CSMD3: variants seen among roughly 807,000 people sequenced by gnomAD.
CSMD3 encodes CUB and sushi domain-containing protein 3.
CSMD3 carries 177 observed loss-of-function variants against 435.2 expected under a neutral mutation model. The observed-to-expected ratio is 0.41, with a 90% CI of 0.36 to 0.46. The LOEUF (loss-of-function observed/expected upper bound fraction) is 0.46, where lower values mean the gene tolerates loss of function less well. Ranked by LOEUF, CSMD3 falls within the 20% of genes least tolerant of loss-of-function variation. CSMD3 has a pLI of 0.34. For missense variants in CSMD3, 4,265 were observed against 4,504.6 expected (o/e 0.95, Z 1.52); for synonymous variants, 1,656 against 1,520.5 (o/e 1.09, Z -2.07).
chr8:112,561,183 C>T (rs770884245), intron 24 of CSMD3, among the ~76,000 whole-genome samples: 2 of 151,496 alleles, frequency 1.3e-5, no homozygotes, highest in African/African-American at 4.8e-5. Flanking sequence ...TTTATGGAAA[C>T]GTTCAGCTGC....
chr8:113,217,956 G>GA (rs1266330883), intron 3 of CSMD3, among the ~76,000 whole-genome samples: 1 of 151,018 alleles, frequency 6.6e-6, no homozygotes, highest in African/African-American at 2.4e-5. Flanking sequence ...AACTCAGCTA[G>GA]AAAACAAAAC....
chr8:112,786,753 T>G (rs2078551209), intron 13 of CSMD3, among the ~76,000 whole-genome samples: 1 of 152,052 alleles, frequency 6.6e-6, no homozygotes, highest in Admixed American at 6.6e-5. Context: ...TTTTTATTAT[T>G]ATACTCTAAG....
intron 31 of CSMD3, among the ~76,000 whole-genome samples, chr8:112,484,529 T>A (rs1462168252): frequency 6.6e-6 from 1 of 151,458 alleles, no homozygotes; most frequent in African/African-American, 2.4e-5. Context: ...ATATATATGG[T>A]CCAGTAAAAC....
intron 35 of CSMD3, among the ~76,000 whole-genome samples, chr8:112,400,767 A>G (rs1053341328): frequency 1.3e-5 from 2 of 152,036 alleles, no homozygotes; most frequent in African/African-American, 4.8e-5. Context: ...GCATCACCTT[A>G]CTCTTTTTAT....
At chr8:113,435,211 A>G (rs954328252) in intron 1 of CSMD3, among the ~76,000 whole-genome samples, 1 of 152,214 alleles carries the variant, frequency 6.6e-6, no homozygotes, top group Non-Finnish European at 1.5e-5. Flanking sequence ...TTTTCGGCTC[A>G]GAGCTGCTCT....
chr8:113,080,947 T>C (rs1317729694), intron 5 of CSMD3, among the ~76,000 whole-genome samples: 1 of 152,206 alleles, frequency 6.6e-6, no homozygotes, highest in Admixed American at 6.5e-5. Context: ...CTCTGTTAGA[T>C]AGAATTGGAA....
rs138596948 is a variant in CSMD3, at chr8:112,987,828, G to C, written c.1031-11680C>G. Among the ~76,000 whole-genome samples the C allele has an allele frequency of 8.0e-3, 1,210 of 152,126 alleles. 16 individuals are homozygous for C. The highest frequency in any genetic ancestry group is 0.027 in the African/African-American group (1,133 of 41,518). ...ATTCCCTCGGCAGGATTTTCATGCA[G>C]AGCTCAAAGGGAAATTTTCTCTATA... On this transcript the variant is annotated intron_variant, in intron 6 of 70. Coordinates refer to ENST00000297405, the MANE Select transcript of CSMD3 (RefSeq NM_198123.2).
intron 58 of CSMD3, among the ~76,000 whole-genome samples, chr8:112,285,287 A>T (rs1819071840): frequency 6.6e-6 from 1 of 152,122 alleles, no homozygotes; most frequent in African/African-American, 2.4e-5. Context: ...CCACAGCATC[A>T]TTAAAAAGAC....
At chr8:112,596,279 A>G (rs1342154961) in intron 22 of CSMD3, among the ~76,000 whole-genome samples, 1 of 152,192 alleles carries the variant, frequency 6.6e-6, no homozygotes. Context: ...AGGCCATTAC[A>G]TAATGGTAAA....
chr8:112,924,273 C>T (rs570868773), intron 9 of CSMD3, among the ~76,000 whole-genome samples: 13 of 152,166 alleles, frequency 8.5e-5, no homozygotes, highest in African/African-American at 2.9e-4. Context: ...CACGGAAATC[C>T]GAGTTTTCAT....
At chr8:112,988,413 T>G (rs894319880) in intron 6 of CSMD3, among the ~76,000 whole-genome samples, 2 of 152,082 alleles carry the variant, frequency 1.3e-5, no homozygotes, top group Non-Finnish European at 2.9e-5. Context: ...TAATTTAGTT[T>G]AAGGGTGAAG....
At chr8:112,301,724 A>G (rs1184106746) in intron 53 of CSMD3, 69 bp downstream of exon 53, 1 of 1,180,336 alleles carries the variant, frequency 8.5e-7, no homozygotes, top group Non-Finnish European at 1.3e-6. Context: ...TATTAGGGAA[A>G]AAGAGATGCC....
At chr8:113,341,424 ATAGAG>A (rs954038230) in intron 1 of CSMD3, among the ~76,000 whole-genome samples, 51 of 152,284 alleles carry the variant, frequency 3.3e-4, no homozygotes, top group African/African-American at 1.1e-3. Flanking sequence ...AAACCAATTG[ATAGAG>A]TAATCAACAG....
Position 112,294,539 on chromosome 8 carries a change from G to T in CSMD3, c.8614+1294C>A, listed in dbSNP as rs541479808. On this transcript the variant is annotated intron_variant, in intron 54 of 70. Coordinates refer to ENST00000297405, the MANE Select transcript of CSMD3 (RefSeq NM_198123.2). ...ATCTGAAACACTAAATACTTACGGG[G>T]ATTCTGAGATGTACTAGAGTTTATC... Among the ~76,000 whole-genome samples the T allele has an allele frequency of 6.6e-5, 10 of 152,084 alleles. 1 individual carries two copies. The South Asian group carries it at 1.9e-3, about 28-fold the overall frequency.
intron 32 of CSMD3, among the ~76,000 whole-genome samples, chr8:112,470,941 C>T (rs1287280523): frequency 6.6e-6 from 1 of 151,894 alleles, no homozygotes; most frequent in African/African-American, 2.4e-5. Context: ...TAAAAACCAA[C>T]TATTATTGGC....
intron 31 of CSMD3, among the ~76,000 whole-genome samples, chr8:112,486,881 C>A (rs904570999): frequency 6.6e-6 from 1 of 152,044 alleles, no homozygotes; most frequent in Non-Finnish European, 1.5e-5. Context: ...GTTGTTATCC[C>A]CAATTTTAAA....
chr8:113,388,138 T>C (rs1415687297), intron 1 of CSMD3, among the ~76,000 whole-genome samples: 1 of 151,722 alleles, frequency 6.6e-6, no homozygotes, highest in East Asian at 1.9e-4. Context: ...TGCTAAGGTA[T>C]ATAGGTAACA....
At chr8:112,613,377 T>G (rs1287497249) in intron 22 of CSMD3, among the ~76,000 whole-genome samples, 1 of 152,202 alleles carries the variant, frequency 6.6e-6, no homozygotes, top group Non-Finnish European at 1.5e-5. Context: ...TGTGGTAGAT[T>G]ACATATATGG....
At chr8:112,821,455 G>A (rs1426109593) in intron 12 of CSMD3, among the ~76,000 whole-genome samples, 1 of 151,862 alleles carries the variant, frequency 6.6e-6, no homozygotes, top group East Asian at 1.9e-4. Flanking sequence ...CTTCTTTTGA[G>A]AAGTATCTGT....
Sources: allele counts gnomAD v4.1 joint callset (sites outside exome capture counted in the v4.1 genomes callset), GRCh38; gene constraint gnomAD v4.1.1; transcripts MANE v1.5; gene names NCBI Gene and HGNC (gene_info 2026-07-23, HGNC 2026-07-21).